The following RIMS2 variants were observed in gnomAD, a reference collection of about 807,000 sequenced individuals.
RIMS2 encodes regulating synaptic membrane exocytosis 2.
RIMS2 carries 59 observed loss-of-function variants against 174.4 expected under a neutral mutation model. That is an observed-to-expected ratio of 0.34 (90% CI 0.27 to 0.42). The LOEUF (loss-of-function observed/expected upper bound fraction) is 0.42, where lower values mean the gene tolerates loss of function less well. Among genes scored for constraint, RIMS2 ranks in the 10% least tolerant of loss-of-function variants. RIMS2 has a pLI of 1.00. For synonymous variants in RIMS2, 606 were observed against 572.5 expected (o/e 1.06, Z -0.84); for missense variants, 1,620 against 1,666.3 (o/e 0.97, Z 0.48).
chr8:103,792,697 A>G (rs548740737), intron 3 of RIMS2, among the ~76,000 whole-genome samples: 463 of 151,922 alleles, frequency 3.0e-3, no homozygotes, highest in Non-Finnish European at 5.1e-3. Context: ...AGACTAATAA[A>G]GAAGAAAAGA....
chr8:103,925,197 A>G (rs1265538264), intron 10 of RIMS2, among the ~76,000 whole-genome samples: 1 of 151,614 alleles, frequency 6.6e-6, no homozygotes, highest in Non-Finnish European at 1.5e-5. Flanking sequence ...TACACAGTTG[A>G]TACTATTGAT....
chr8:103,575,473 A>G (rs1246910587), intron 1 of RIMS2, among the ~76,000 whole-genome samples: 1 of 152,062 alleles, frequency 6.6e-6, no homozygotes, highest in African/African-American at 2.4e-5. Context: ...CACCAAAAGA[A>G]AAGTAAAGAA....
intron 19 of RIMS2, among the ~76,000 whole-genome samples, chr8:104,087,022 A>T (rs1334110479): frequency 6.6e-6 from 1 of 151,924 alleles, no homozygotes; most frequent in Non-Finnish European, 1.5e-5. Flanking sequence ...GTAAATTGGA[A>T]TTTTTTTTCC....
chr8:104,173,618 T>TTTTTTTTTTG, intron 19 of RIMS2, among the ~76,000 whole-genome samples: 1 of 35,058 alleles, frequency 2.9e-5, no homozygotes, highest in African/African-American at 1.8e-4. Context: ...TTCTGATTTT[T>TTTTTTTTTTG]TTTTTTTTTT....
At chr8:103,856,603 G>A (rs2099028924) in intron 3 of RIMS2, among the ~76,000 whole-genome samples, 1 of 152,126 alleles carries the variant, frequency 6.6e-6, no homozygotes, top group African/African-American at 2.4e-5. Flanking sequence ...AAAGTTGGTG[G>A]CCTTTCATAG....
chr8:103,577,715 A>C (rs2093348335), intron 1 of RIMS2, among the ~76,000 whole-genome samples: 1 of 152,222 alleles, frequency 6.6e-6, no homozygotes, highest in South Asian at 2.1e-4. Flanking sequence ...AAAATGAAAA[A>C]ACAATTCAGA....
intron 1 of RIMS2, among the ~76,000 whole-genome samples, chr8:103,553,379 A>G (rs1364947850): frequency 6.6e-6 from 1 of 151,240 alleles, no homozygotes; most frequent in Middle Eastern, 3.4e-3. Context: ...TCTCACTCAT[A>G]GGTGGGAATT....
chr8:104,117,216 A>G (rs909332999), intron 19 of RIMS2, among the ~76,000 whole-genome samples: 14 of 152,106 alleles, frequency 9.2e-5, no homozygotes, highest in Middle Eastern at 3.2e-3. Flanking sequence ...ATCACTTTGC[A>G]TATATTAATA....
chr8:103,728,904 C>G (rs969387390), intron 2 of RIMS2, among the ~76,000 whole-genome samples: 4 of 151,838 alleles, frequency 2.6e-5, no homozygotes, highest in Non-Finnish European at 4.4e-5. Context: ...TTGAGCCATC[C>G]TTGTATCCCT....
chr8:103,941,569 T>C (rs1425997284), intron 13 of RIMS2, among the ~76,000 whole-genome samples: 1 of 152,218 alleles, frequency 6.6e-6, no homozygotes, highest in Non-Finnish European at 1.5e-5. Context: ...TTTATCTTTA[T>C]GTGGCAGTTC....
chr8:103,527,650 C>G (rs1834745537), intron 1 of RIMS2, among the ~76,000 whole-genome samples: 1 of 151,354 alleles, frequency 6.6e-6, no homozygotes, highest in Non-Finnish European at 1.5e-5. Context: ...GTTTGGTTTT[C>G]TCTCCTTGCA....
intron 19 of RIMS2, among the ~76,000 whole-genome samples, chr8:104,154,253 A>G (rs1566724859): frequency 6.6e-6 from 1 of 152,184 alleles, no homozygotes; most frequent in East Asian, 1.9e-4. Flanking sequence ...AATCCAGACA[A>G]TCTGGATCTG....
chr8:104,086,144 T>C (rs2097533009), intron 19 of RIMS2, among the ~76,000 whole-genome samples: 5 of 151,888 alleles, frequency 3.3e-5, no homozygotes, highest in Admixed American at 3.3e-4. Context: ...GTAGAAACCC[T>C]GAGTGGCAAT....
At chr8:103,622,688 A>AT (rs2095664176) in intron 1 of RIMS2, among the ~76,000 whole-genome samples, 1 of 152,192 alleles carries the variant, frequency 6.6e-6, no homozygotes, top group Non-Finnish European at 1.5e-5. Context: ...GGGTGCTGTG[A>AT]TTCAGTATAT....
At chr8:103,696,586 A>G (rs2097103366) in intron 1 of RIMS2, among the ~76,000 whole-genome samples, 1 of 152,068 alleles carries the variant, frequency 6.6e-6, no homozygotes, top group African/African-American at 2.4e-5. Flanking sequence ...GAAGGTAGAG[A>G]CTGGGTATGG....
At chr8:104,164,768 A>G (rs2098786678) in intron 19 of RIMS2, among the ~76,000 whole-genome samples, 1 of 152,182 alleles carries the variant, frequency 6.6e-6, no homozygotes, top group African/African-American at 2.4e-5. Context: ...TCATGGACAC[A>G]TAGAGGGGAA....
chr8:104,079,242 A>T (rs908728409), intron 19 of RIMS2, among the ~76,000 whole-genome samples: 45 of 152,260 alleles, frequency 3.0e-4, no homozygotes, highest in African/African-American at 1.0e-3. Flanking sequence ...AGTTGCAGGC[A>T]GCTACTTGCA....
intron 4 of RIMS2, among the ~76,000 whole-genome samples, chr8:103,893,219 T>C (rs568304830): frequency 1.1e-3 from 171 of 152,206 alleles, no homozygotes; most frequent in Middle Eastern, 3.4e-3. Flanking sequence ...TAAGATAGCA[T>C]TTTTTCTTGC....
chr8:103,812,331 G>GTTTTT (rs71575985), intron 3 of RIMS2, among the ~76,000 whole-genome samples: 7,860 of 109,444 alleles, frequency 0.072, 684 homozygotes, highest in East Asian at 0.31. Context: ...TTATTACCTT[G>GTTTTT]TTTTTTTTTT....
Sources: allele counts gnomAD v4.1 joint callset (sites outside exome capture counted in the v4.1 genomes callset), GRCh38; gene constraint gnomAD v4.1.1; transcripts MANE v1.5; gene names NCBI Gene and HGNC (gene_info 2026-07-23, HGNC 2026-07-21).